The following KLF8 variants were observed in gnomAD, a reference collection of about 807,000 sequenced individuals.
KLF8 encodes the protein KLF transcription factor 8.
Under a neutral mutation model 18.2 loss-of-function variants are expected in KLF8, and 10 were observed. That is an observed-to-expected ratio of 0.55 (90% confidence interval 0.34 to 0.93). KLF8 has a LOEUF of 0.93. KLF8 is among the 40% of genes least tolerant of loss of function. KLF8 has a pLI of 0.02. For synonymous variants in KLF8, 109 were observed against 97.3 expected (o/e 1.12, Z -0.71); for missense variants, 264 against 277.9 (o/e 0.95, Z 0.36).
chrX:56,021,582 G>A, the KLF8 span, among the ~76,000 whole-genome samples: 11 of 108,599 alleles, frequency 1.0e-4, no homozygotes, highest in African/African-American at 1.7e-4. Flanking sequence ...ATACTGACCC[G>A]CTCTTTTTTT....
At chrX:56,031,196 C>T in the KLF8 span, among the ~76,000 whole-genome samples, 2 of 111,634 alleles carry the variant, frequency 1.8e-5, no homozygotes, top group Non-Finnish European at 3.8e-5. Context: ...TTTCTCAAGA[C>T]AAAATATCAT....
the KLF8 span, among the ~76,000 whole-genome samples, chrX:55,963,314 A>G: frequency 5.4e-5 from 6 of 111,932 alleles, no homozygotes; most frequent in African/African-American, 1.9e-4. Context: ...TTCTGTTGAG[A>G]TGTTGTCTCT....
chrX:56,210,007 A>G, the KLF8 span, among the ~76,000 whole-genome samples: 1 of 111,916 alleles, frequency 8.9e-6, no homozygotes, highest in Non-Finnish European at 1.9e-5. Context: ...TATGTCTTGA[A>G]AAGTTGTTGT....
chrX:56,231,319 G>A (rs1474858682), upstream of KLF8, among the ~76,000 whole-genome samples: 2 of 111,768 alleles, frequency 1.8e-5, no homozygotes, highest in Non-Finnish European at 3.8e-5. Flanking sequence ...TAAGTAAGTA[G>A]ACCTATGTGT....
the KLF8 span, among the ~76,000 whole-genome samples, chrX:55,923,965 AT>A: frequency 9.0e-6 from 1 of 110,647 alleles, no homozygotes; most frequent in Admixed American, 9.7e-5. Context: ...TACCCCAGAT[AT>A]TTTCATGGCT....
intron 2 of KLF8, among the ~76,000 whole-genome samples, chrX:56,264,251 T>C (rs1291644864): frequency 9.0e-6 from 1 of 111,147 alleles, no homozygotes; most frequent in Non-Finnish European, 1.9e-5. Flanking sequence ...TAAATGATCA[T>C]TTATTAGTTT....
At chrX:56,283,677 C>G (rs1223117134) in intron 5 of KLF8, among the ~76,000 whole-genome samples, 1 of 112,301 alleles carries the variant, frequency 8.9e-6, no homozygotes, top group Non-Finnish European at 1.9e-5. Context: ...GACCATATGG[C>G]TCTATTTTAG....
At chrX:56,203,650 C>T in the KLF8 span, among the ~76,000 whole-genome samples, 1 of 111,979 alleles carries the variant, frequency 8.9e-6, no homozygotes, top group Non-Finnish European at 1.9e-5. Context: ...ATATGGATAT[C>T]CAGTTTTCCC....
the KLF8 span, among the ~76,000 whole-genome samples, chrX:56,100,955 T>C: frequency 8.9e-6 from 1 of 111,969 alleles, no homozygotes; most frequent in African/African-American, 3.2e-5. Context: ...TTACAATCTA[T>C]TATTAGAACA....
chrX:56,030,351 G>T, the KLF8 span, among the ~76,000 whole-genome samples: 1 of 111,288 alleles, frequency 9.0e-6, no homozygotes, highest in Non-Finnish European at 1.9e-5. Context: ...CCATTTAGTT[G>T]CTGCCTGGAG....
the KLF8 span, among the ~76,000 whole-genome samples, chrX:56,200,894 G>A: frequency 4.5e-5 from 5 of 111,612 alleles, no homozygotes; most frequent in Admixed American, 3.8e-4. Context: ...TTAGGGAAAT[G>A]CAAATCAAAA....
the KLF8 span, among the ~76,000 whole-genome samples, chrX:56,150,629 T>A: frequency 9.0e-6 from 1 of 110,861 alleles, no homozygotes; most frequent in Non-Finnish European, 1.9e-5. Flanking sequence ...TGGCCTGTAG[T>A]TCCTCAAAAA....
chrX:56,035,196 C>A, the KLF8 span, among the ~76,000 whole-genome samples: 1 of 112,196 alleles, frequency 8.9e-6, no homozygotes, highest in East Asian at 2.8e-4. Flanking sequence ...TTACCTTCCA[C>A]ATATGACTGA....
chrX:56,058,900 G>T, the KLF8 span, among the ~76,000 whole-genome samples: 7 of 111,283 alleles, frequency 6.3e-5, no homozygotes, highest in Non-Finnish European at 9.4e-5. Flanking sequence ...TGATATTTCC[G>T]GTTCTAGGTT....
the KLF8 span, among the ~76,000 whole-genome samples, chrX:56,185,766 G>A: frequency 1.8e-5 from 2 of 111,577 alleles, no homozygotes; most frequent in African/African-American, 3.3e-5. Flanking sequence ...TTCATATCCA[G>A]CCAAACTAAG....
the KLF8 span, among the ~76,000 whole-genome samples, chrX:56,113,912 G>A: frequency 9.0e-6 from 1 of 111,090 alleles, no homozygotes; most frequent in East Asian, 2.8e-4. Context: ...AGCTGTGCTG[G>A]GGGGAATCCC....
At chrX:56,181,372 G>A in the KLF8 span, among the ~76,000 whole-genome samples, 2 of 111,104 alleles carry the variant, frequency 1.8e-5, no homozygotes, top group Non-Finnish European at 1.9e-5. Context: ...CACCTGAGAT[G>A]GGTCTCCTGA....
the KLF8 span, among the ~76,000 whole-genome samples, chrX:56,036,367 TTGG>T: frequency 9.0e-6 from 1 of 111,710 alleles, no homozygotes; most frequent in African/African-American, 3.3e-5. Flanking sequence ...AGGGTGAGAG[TTGG>T]TGGTCTAGTT....
the KLF8 span, among the ~76,000 whole-genome samples, chrX:56,024,453 C>T: frequency 2.2e-4 from 25 of 111,442 alleles, no homozygotes; most frequent in Non-Finnish European, 9.4e-5. Context: ...AGTGATCTGC[C>T]CACCTTTGCA....
Sources: allele counts gnomAD v4.1 joint callset (sites outside exome capture counted in the v4.1 genomes callset), GRCh38; gene constraint gnomAD v4.1.1; transcripts MANE v1.5; gene names NCBI Gene and HGNC (gene_info 2026-07-23, HGNC 2026-07-21).